The following ITPR2 variants were observed in gnomAD, a reference collection of about 807,000 sequenced individuals.
ITPR2 encodes the protein inositol 1,4,5-trisphosphate receptor type 2.
Under a neutral mutation model 317.1 loss-of-function variants are expected in ITPR2, and 207 were observed. The ratio of observed to expected loss-of-function variants is 0.65; its 90% CI spans 0.58 to 0.73. The LOEUF (loss-of-function observed/expected upper bound fraction) is 0.73, where lower values mean the gene tolerates loss of function less well. Ranked by LOEUF, ITPR2 falls within the 30% of genes least tolerant of loss-of-function variation. The pLI is 0.00. For missense variants in ITPR2, 2,613 were observed against 3,284.0 expected (o/e 0.80, Z 4.99); for synonymous variants, 1,156 against 1,149.1 (o/e 1.01, Z -0.12).
intron 39 of ITPR2, 27 bp downstream of exon 39, chr12:26,494,126 T>A (rs747289113): frequency 6.5e-7 from 1 of 1,542,358 alleles, no homozygotes; most frequent in South Asian, 1.2e-5. Context: ...ATAATAAATG[T>A]AATCCCCATG....
chr12:26,384,676 G>A (rs530671118), intron 55 of ITPR2, among the ~76,000 whole-genome samples: 8 of 152,218 alleles, frequency 5.3e-5, no homozygotes, highest in South Asian at 2.1e-4. Context: ...AAAGTCACCC[G>A]GTGATTTCTA....
intron 55 of ITPR2, among the ~76,000 whole-genome samples, chr12:26,347,373 A>G (rs952170549): frequency 1.3e-5 from 2 of 152,210 alleles, no homozygotes; most frequent in African/African-American, 4.8e-5. Context: ...CTGTGGTTCT[A>G]CATCATAGTA....
chr12:26,613,723 A>G (rs760048720), intron 26 of ITPR2, among the ~76,000 whole-genome samples: 1 of 152,154 alleles, frequency 6.6e-6, no homozygotes, highest in Admixed American at 6.5e-5. Context: ...ACAGAAGAGC[A>G]AAAGGGCACC....
intron 45 of ITPR2, among the ~76,000 whole-genome samples, chr12:26,462,043 T>C (rs571851235): frequency 1.2e-4 from 18 of 152,122 alleles, no homozygotes; most frequent in Non-Finnish European, 2.1e-4. Context: ...TAAGTAATTC[T>C]GAAACTCAAA....
chr12:26,825,463 A>G (rs1950995460), intron 1 of ITPR2, among the ~76,000 whole-genome samples: 1 of 151,962 alleles, frequency 6.6e-6, no homozygotes, highest in Admixed American at 6.6e-5. Flanking sequence ...AGTCTATAGT[A>G]TTCTGTCTAT....
chr12:26,459,923 T>G (rs1458337205), intron 45 of ITPR2, among the ~76,000 whole-genome samples: 3 of 152,342 alleles, frequency 2.0e-5, no homozygotes, highest in South Asian at 4.1e-4. Flanking sequence ...AAGCTGCTCC[T>G]CTTTCCATTT....
intron 9 of ITPR2, among the ~76,000 whole-genome samples, chr12:26,709,884 T>C (rs953943819): frequency 1.3e-5 from 2 of 152,210 alleles, no homozygotes; most frequent in African/African-American, 2.4e-5. Flanking sequence ...CTGTATTTCA[T>C]CTAGTTGAGC....
intron 54 of ITPR2, among the ~76,000 whole-genome samples, chr12:26,397,147 T>C (rs1940027468): frequency 6.6e-6 from 1 of 152,214 alleles, no homozygotes; most frequent in South Asian, 2.1e-4. Flanking sequence ...TAATGGTTCA[T>C]CTTCCACTGT....
chr12:26,762,382 A>C (rs967372189), intron 2 of ITPR2, among the ~76,000 whole-genome samples: 1 of 152,238 alleles, frequency 6.6e-6, no homozygotes, highest in African/African-American at 2.4e-5. Flanking sequence ...TAAGACTATC[A>C]GCAGATTTCT....
At chr12:26,350,939 CAGGGCACCG>C (rs1239822382) in intron 55 of ITPR2, among the ~76,000 whole-genome samples, 3 of 152,320 alleles carry the variant, frequency 2.0e-5, no homozygotes, top group African/African-American at 7.2e-5. Flanking sequence ...TCCCAGCCAA[CAGGGCACCG>C]AGGGATAGAG....
chr12:26,391,721 C>T (rs1342778006), intron 54 of ITPR2, among the ~76,000 whole-genome samples: 5 of 151,700 alleles, frequency 3.3e-5, no homozygotes, highest in Admixed American at 1.3e-4. Context: ...TGTGCCACCA[C>T]GCCCAATTAA....
chr12:26,397,528 A>C (rs2136645218), intron 54 of ITPR2, among the ~76,000 whole-genome samples: 1 of 152,176 alleles, frequency 6.6e-6, no homozygotes, highest in African/African-American at 2.4e-5. Flanking sequence ...ATGAGATATC[A>C]AGGCTATTTA....
intron 1 of ITPR2, among the ~76,000 whole-genome samples, chr12:26,795,708 G>T (rs893969592): frequency 6.6e-6 from 1 of 152,214 alleles, no homozygotes. Context: ...TAGCATCCAG[G>T]CATGGTGGTT....
At chr12:26,827,147 C>T (rs185072143) in intron 1 of ITPR2, among the ~76,000 whole-genome samples, 1 of 152,270 alleles carries the variant, frequency 6.6e-6, no homozygotes, top group East Asian at 1.9e-4. Flanking sequence ...ATAGATTCAC[C>T]ATCTTCGTCC....
chr12:26,784,288 T>C (rs74361272), intron 2 of ITPR2, among the ~76,000 whole-genome samples: 35 of 33,370 alleles, frequency 1.0e-3, no homozygotes, highest in South Asian at 4.8e-3. Context: ...CCTCTCCCTC[T>C]CCCTCTCCCT....
intron 13 of ITPR2, among the ~76,000 whole-genome samples, chr12:26,678,363 T>C (rs1427931831): frequency 6.6e-6 from 1 of 151,942 alleles, no homozygotes; most frequent in East Asian, 1.9e-4. Context: ...ACACAGGAAC[T>C]GTACTTCCAG....
At chr12:26,682,741 A>T in intron 11 of ITPR2, 68 bp from the exon 12 acceptor site, 1 of 871,622 alleles carries the variant, frequency 1.1e-6, no homozygotes, top group Non-Finnish European at 1.9e-6. Context: ...AACATCTTTA[A>T]CAGTTTCATA....
chr12:26,736,574 C>T (rs1274080875), intron 2 of ITPR2, among the ~76,000 whole-genome samples: 1 of 152,154 alleles, frequency 6.6e-6, no homozygotes, highest in East Asian at 1.9e-4. Flanking sequence ...AATTAGAATG[C>T]CCTATAGCCC....
At chr12:26,726,212 G>T (rs1054702315) in intron 2 of ITPR2, among the ~76,000 whole-genome samples, 2 of 152,156 alleles carry the variant, frequency 1.3e-5, no homozygotes, top group African/African-American at 4.8e-5. Context: ...GACCATTAGA[G>T]TCATCCACTC....
Sources: allele counts gnomAD v4.1 joint callset (sites outside exome capture counted in the v4.1 genomes callset), GRCh38; gene constraint gnomAD v4.1.1; transcripts MANE v1.5; gene names NCBI Gene and HGNC (gene_info 2026-07-23, HGNC 2026-07-21).